NRXN3: variants seen among roughly 807,000 people sequenced by gnomAD.
NRXN3 encodes neurexin III.
In NRXN3, 32 loss-of-function variants were observed where a neutral mutation model predicts 137.6. That is an observed-to-expected ratio of 0.23 (90% confidence interval 0.18 to 0.31). The LOEUF is 0.31. Among genes scored for constraint, NRXN3 ranks in the 10% least tolerant of loss-of-function variants. NRXN3 has a pLI of 1.00. For missense variants in NRXN3, 1,574 were observed against 2,062.5 expected, an observed-to-expected ratio of 0.76 and a Z score of 4.59; for synonymous variants, 798 against 784.5, an observed-to-expected ratio of 1.02 and a Z score of -0.29.
chr14:79,397,027 G>T (rs2095046829), intron 15 of NRXN3, among the ~76,000 whole-genome samples: 1 of 152,170 alleles, frequency 6.6e-6, no homozygotes, highest in Non-Finnish European at 1.5e-5. Context: ...GGAGGGAGCT[G>T]TTAGGAAGGC....
At chr14:78,753,260 C>A (rs1289213928) in intron 8 of NRXN3, among the ~76,000 whole-genome samples, 4 of 152,000 alleles carry the variant, frequency 2.6e-5, no homozygotes, top group Non-Finnish European at 5.9e-5. Context: ...GGGATAGATA[C>A]AACAGTGAGC....
intron 1 of NRXN3, among the ~76,000 whole-genome samples, chr14:78,234,267 A>G (rs565316674): frequency 1.9e-4 from 29 of 152,214 alleles, no homozygotes; most frequent in Non-Finnish European, 4.0e-4. Flanking sequence ...TGAGACACCA[A>G]CATTAGCCAT....
intron 15 of NRXN3, among the ~76,000 whole-genome samples, chr14:79,117,719 C>T (rs577479045): frequency 2.6e-4 from 39 of 152,318 alleles, no homozygotes; most frequent in African/African-American, 8.4e-4. Context: ...GGCAGCACTT[C>T]TGTCTCTTCC....
At chr14:79,173,223 A>T (rs917066069) in intron 15 of NRXN3, among the ~76,000 whole-genome samples, 15 of 152,156 alleles carry the variant, frequency 9.9e-5, no homozygotes, top group African/African-American at 3.1e-4. Context: ...AAAGGTCAAC[A>T]TATAAAAAGT....
At chr14:79,252,201 G>A (rs1013838550) in intron 15 of NRXN3, among the ~76,000 whole-genome samples, 1 of 152,116 alleles carries the variant, frequency 6.6e-6, no homozygotes, top group Non-Finnish European at 1.5e-5. Context: ...CAAGGGTGGT[G>A]TATCTGAATG....
intron 15 of NRXN3, among the ~76,000 whole-genome samples, chr14:79,125,447 G>A (rs535727599): frequency 4.6e-5 from 7 of 152,342 alleles, no homozygotes; most frequent in African/African-American, 1.4e-4. Flanking sequence ...TGGATGGACT[G>A]ATGGGAAATA....
chr14:79,557,685 A>C (rs998060839), intron 16 of NRXN3, among the ~76,000 whole-genome samples: 1 of 152,184 alleles, frequency 6.6e-6, no homozygotes. Context: ...GAGCCTTCAG[A>C]GAGTCATAAC....
At chr14:79,383,848 C>T (rs1415723057) in intron 15 of NRXN3, among the ~76,000 whole-genome samples, 1 of 152,172 alleles carries the variant, frequency 6.6e-6, no homozygotes, top group East Asian at 1.9e-4. Context: ...CATATCTTCT[C>T]CAGACTTTTC....
intron 1 of NRXN3, among the ~76,000 whole-genome samples, chr14:78,233,313 T>C (rs1269579608): frequency 6.6e-6 from 1 of 152,194 alleles, no homozygotes; most frequent in Admixed American, 6.5e-5. Context: ...GGTTCTGACT[T>C]CCAATCTAGT....
chr14:78,293,006 A>G (rs1378037538), intron 3 of NRXN3, among the ~76,000 whole-genome samples: 14 of 152,192 alleles, frequency 9.2e-5, no homozygotes, highest in Admixed American at 9.2e-4. Flanking sequence ...CATGCCTAGC[A>G]TAGACTCTGT....
chr14:79,601,040 CTT>C (rs36044631), intron 16 of NRXN3, among the ~76,000 whole-genome samples: 382 of 93,344 alleles, frequency 4.1e-3, no homozygotes, highest in African/African-American at 0.016. Context: ...TCTTTGTTGC[CTT>C]TTTTTTTTTT....
In NRXN3 at chr14:78,968,298, A is replaced by G. The variant is rs1262658543; in HGVS notation, c.3094A>G (p.Ile1032Val). ...VDLNGRLPDL[I>V]NDALHRSGQI... The stretch of plus-strand genomic sequence containing the variant: ...CTTGAATGGACGCCTGCCAGACCTC[A>G]TCAATGATGCTCTTCATCGGAGCGG... Residue 1032 changes from isoleucine (I) to valine (V), a missense_variant, in exon 14 of 21, where the codon ATC becomes GTC. This residue lies in a region of NRXN3 where 718 missense variants were observed against 887.6 expected (regional missense o/e 0.81). Coordinates refer to ENST00000335750, the MANE Select transcript of NRXN3 (RefSeq NM_001330195.2). 6.2e-7 allele frequency: 1 copy of G among 1,614,034 alleles called. No individual in the cohort carries two copies. The highest frequency in any genetic ancestry group is 1.1e-5 in the South Asian group (1 of 91,074).
rs1014221520 is a variant in NRXN3, at chr14:79,133,790, G to A, written c.3262+145649G>A. Among the ~76,000 whole-genome samples, 21 of 151,904 alleles carry A rather than the reference G, an allele frequency of 1.4e-4. 1 individual carries two copies. In the South Asian group the frequency reaches 1.9e-3, roughly 14 times the overall value. On this transcript the variant is annotated intron_variant, in intron 15 of 20. Coordinates refer to ENST00000335750, the MANE Select transcript of NRXN3 (RefSeq NM_001330195.2). ...AATACAAAAAAAAAATTAGGTGGGCGTGGTGGTGGGCGCCTGTAGTCCCAG... is the reference window on the plus strand; with the variant it reads ...AATACAAAAAAAAAATTAGGTGGGCATGGTGGTGGGCGCCTGTAGTCCCAG...
intron 17 of NRXN3, among the ~76,000 whole-genome samples, chr14:79,674,148 C>T (rs1206603463): frequency 6.6e-6 from 1 of 152,026 alleles, no homozygotes; most frequent in Non-Finnish European, 1.5e-5. Flanking sequence ...CTTGAATTAT[C>T]TGGAACAATG....
intron 15 of NRXN3, among the ~76,000 whole-genome samples, chr14:79,361,698 C>T (rs1432757291): frequency 2.0e-5 from 3 of 152,106 alleles, no homozygotes; most frequent in East Asian, 1.9e-4. Context: ...GTCTGGGTGA[C>T]GGGCTAAATA....
Position 78,305,051 on chromosome 14 carries a change from C to T in NRXN3, c.757+7191C>T, listed in dbSNP as rs114609326. 2.3e-3 allele frequency among the ~76,000 whole-genome samples: 347 copies of T among 152,312 alleles called. 1 individual carries two copies. The highest frequency in any genetic ancestry group is 8.0e-3 in the African/African-American group (332 of 41,564). On this transcript the variant is annotated intron_variant, in intron 4 of 20. Coordinates refer to ENST00000335750, the MANE Select transcript of NRXN3 (RefSeq NM_001330195.2). ...GGAGAAAAAGATTCCTTCAAGATTT[C>T]TTACTGGATGTCAATAGTGGGAGGT...
chr14:79,050,192 A>G (rs2099639846), intron 15 of NRXN3, among the ~76,000 whole-genome samples: 1 of 152,166 alleles, frequency 6.6e-6, no homozygotes, highest in Non-Finnish European at 1.5e-5. Context: ...TTGTCCTGAG[A>G]TATCTCATGT....
At chr14:79,221,018 C>T (rs1348298640) in intron 15 of NRXN3, among the ~76,000 whole-genome samples, 1 of 151,516 alleles carries the variant, frequency 6.6e-6, no homozygotes, top group Admixed American at 6.6e-5. Context: ...GTTTTCTGTT[C>T]CTGTATTAGT....
intron 16 of NRXN3, among the ~76,000 whole-genome samples, chr14:79,631,525 C>T (rs574657927): frequency 7.2e-4 from 109 of 152,332 alleles, no homozygotes; most frequent in African/African-American, 2.5e-3. Flanking sequence ...TCCGTGGCCC[C>T]GCACTGGGCG....
Sources: gnomAD v4.1 joint callset for allele counts (sites outside exome capture counted in the v4.1 genomes callset) on GRCh38, gnomAD v4.1.1 for gene constraint, gnomAD v4.1.1 regional missense constraint, MANE v1.5 for transcripts, NCBI Gene and HGNC (gene_info 2026-07-23, HGNC 2026-07-21) for gene names.